The following EFR3B variants were observed in gnomAD, a reference collection of about 807,000 sequenced individuals.
The protein encoded by EFR3B is EFR3 homolog B.
A neutral mutation model predicts 104.7 loss-of-function variants in EFR3B; 64 were observed. That is an observed-to-expected ratio of 0.61 (90% CI 0.50 to 0.75). The LOEUF (loss-of-function observed/expected upper bound fraction) is 0.75, where lower values mean the gene tolerates loss of function less well. Among genes scored for constraint, EFR3B ranks in the 30% least tolerant of loss-of-function variants. EFR3B has a pLI of 0.00. For synonymous variants in EFR3B, 385 were observed against 417.9 expected (o/e 0.92, Z 0.96); for missense variants, 750 against 1,078.5 (o/e 0.70, Z 4.27).
intron 1 of EFR3B, among the ~76,000 whole-genome samples, chr2:25,048,816 C>T (rs185805543): frequency 6.6e-6 from 1 of 152,238 alleles, no homozygotes; most frequent in Non-Finnish European, 1.5e-5. Context: ...CCAGTCTCCA[C>T]GTCTTGGTGG....
chr2:25,080,602 T>G, intron 1 of EFR3B: 1 of 538,066 alleles, frequency 1.9e-6, no homozygotes, highest in Non-Finnish European at 3.3e-6. Context: ...CCCCTGAAGT[T>G]TTATTATATC....
chr2:25,124,311 T>C (rs1194145528), intron 5 of EFR3B, among the ~76,000 whole-genome samples: 2 of 149,126 alleles, frequency 1.3e-5, no homozygotes, highest in African/African-American at 5.0e-5. Flanking sequence ...TGTGTGTGTG[T>C]GTGTGTGTGT....
chr2:25,117,950 T>G (rs1418519974), intron 4 of EFR3B, among the ~76,000 whole-genome samples: 1 of 152,180 alleles, frequency 6.6e-6, no homozygotes, highest in African/African-American at 2.4e-5. Flanking sequence ...TTCTGCAAGC[T>G]TGACATTTTA....
chr2:25,130,712 G>A lies in EFR3B; in HGVS notation c.849+82G>A. On this transcript the variant is annotated intron_variant, in intron 8 of 22. Transcript: ENST00000403714. The surrounding 1 kb of genome is among the most constrained non-coding windows in gnomAD (Gnocchi z 4.6). ...AGACGGGTGCTAAAATAGAAAGCCA[G>A]AAGTCCCCTGTGACTCCTCCGAAGC... is the stretch of plus-strand genomic sequence containing the variant. The A allele has an allele frequency of 7.6e-7, 1 of 1,319,904 alleles. No individual in the cohort carries two copies. Among genetic ancestry groups the A allele is most frequent in the Non-Finnish European group, 1.1e-6 (1 of 938,372 alleles). 81.8% of individuals were successfully genotyped at this position (1,319,904 alleles called of 1,614,324 possible).
chr2:25,093,910 G>A (rs1374816155), intron 3 of EFR3B, among the ~76,000 whole-genome samples: 1 of 152,186 alleles, frequency 6.6e-6, no homozygotes, highest in Non-Finnish European at 1.5e-5. Context: ...GGCTTTCTAT[G>A]TTTAAAGAGA....
intron 4 of EFR3B, among the ~76,000 whole-genome samples, chr2:25,106,947 A>C (rs930153175): frequency 3.9e-5 from 6 of 152,198 alleles, no homozygotes; most frequent in Non-Finnish European, 8.8e-5. Context: ...GCTGCCAGGA[A>C]ATCAAAAGAA....
intron 4 of EFR3B, among the ~76,000 whole-genome samples, chr2:25,110,531 C>T (rs1292016736): frequency 6.6e-6 from 1 of 152,100 alleles, no homozygotes; most frequent in Non-Finnish European, 1.5e-5. Context: ...CCATCTTCTT[C>T]CTCTCCAAAG....
chr2:25,125,014 T>C lies in EFR3B; in HGVS notation c.486-3169T>C, dbSNP rs1163153226. On this transcript the variant is annotated intron_variant, in intron 5 of 22. Transcript: ENST00000403714. ...TGGAAGTTGCAGTGAGCTAAGATTG[T>C]GCCACTGCACTCCAGCCTGGGCAAC... 3.9e-5 allele frequency among the ~76,000 whole-genome samples: 6 copies of C among 152,254 alleles called. No individual in the cohort carries two copies. In the East Asian group the frequency reaches 9.7e-4, roughly 25 times the overall value.
At chr2:25,121,636 A>G in intron 4 of EFR3B, 37 bp from the exon 5 acceptor site, 1 of 1,550,646 alleles carries the variant, frequency 6.4e-7, no homozygotes, top group Non-Finnish European at 8.7e-7. Flanking sequence ...ATGGTGGGTC[A>G]CCTCTCTCGT....
intron 19 of EFR3B, 194 bp downstream of exon 19, chr2:25,145,245 C>G (rs1276135302): frequency 6.6e-6 from 4 of 609,132 alleles, no homozygotes; most frequent in Non-Finnish European, 1.2e-5. Flanking sequence ...TTAGGGTCCT[C>G]CCTGCTCCCA....
chr2:25,109,414 C>T (rs1389825595), intron 4 of EFR3B, among the ~76,000 whole-genome samples: 1 of 152,226 alleles, frequency 6.6e-6, no homozygotes, highest in Non-Finnish European at 1.5e-5. Context: ...AACCATCATA[C>T]TTGCTGGTGG....
intron 1 of EFR3B, among the ~76,000 whole-genome samples, chr2:25,050,281 A>T (rs1272647432): frequency 6.6e-6 from 1 of 152,136 alleles, no homozygotes; most frequent in Admixed American, 6.6e-5. Flanking sequence ...GCAGCTGTGC[A>T]GGGTGGTGGG....
At chr2:25,150,363 A>G (rs973733791) in intron 20 of EFR3B, among the ~76,000 whole-genome samples, 1 of 151,916 alleles carries the variant, frequency 6.6e-6, no homozygotes, top group African/African-American at 2.4e-5. Flanking sequence ...TTCGGGATAA[A>G]TTTTTGGTTT....
intron 1 of EFR3B, among the ~76,000 whole-genome samples, chr2:25,050,115 A>G (rs1667826152): frequency 6.6e-6 from 1 of 151,466 alleles, no homozygotes; most frequent in Non-Finnish European, 1.5e-5. Context: ...GGGCAACAAG[A>G]GTGAAACTCC....
At chr2:25,138,978 G>C in intron 15 of EFR3B, 81 bp from the exon 16 acceptor site, 2 of 1,507,938 alleles carry the variant, frequency 1.3e-6, no homozygotes, top group Non-Finnish European at 1.8e-6. Context: ...AAAGAAGATT[G>C]GGAAGAGGTC....
chr2:25,154,978 G>C lies in EFR3B; in HGVS notation c.*638G>C, dbSNP rs1671120849. 2.0e-5 allele frequency: 3 copies of C among 153,158 alleles called. No homozygotes were observed. 9.5% of individuals were successfully genotyped at this position (153,158 alleles called of 1,614,324 possible). ...AGGAAGCAGGATGCAGGGCTGGCAGGAGGTGGGCCTGTGGCATCAGCAGGC... is the reference window on the plus strand; with the variant it reads ...AGGAAGCAGGATGCAGGGCTGGCAGCAGGTGGGCCTGTGGCATCAGCAGGC... On this transcript the variant is annotated 3_prime_UTR_variant, in exon 23 of 23. Transcript: ENST00000403714. The surrounding 1 kb of genome is among the most constrained non-coding windows in gnomAD (Gnocchi z 4.1).
At position 25,154,082 on chromosome 2, in the gene EFR3B, T is replaced by A. The variant is rs551712249; in HGVS notation, c.2349-153T>A. 6.6e-6 allele frequency among the ~76,000 whole-genome samples: 1 copy of A among 152,186 alleles called. No homozygotes were observed. Among genetic ancestry groups the A allele is most frequent in the Admixed American group, 6.5e-5 (1 of 15,274 alleles). On this transcript the variant is annotated intron_variant, in intron 22 of 22. Transcript: ENST00000403714. The surrounding 1 kb of genome is among the most constrained non-coding windows in gnomAD (Gnocchi z 4.1). Reference sequence around the variant, plus strand: ...CTTGACTCCAAGCTGTAGATTCTAGTAGAACGTGGAATCCTGGGAACCTGT... The same window carrying A: ...CTTGACTCCAAGCTGTAGATTCTAGAAGAACGTGGAATCCTGGGAACCTGT...
At chr2:25,066,290 C>G (rs1166202444) in intron 1 of EFR3B, among the ~76,000 whole-genome samples, 1 of 152,150 alleles carries the variant, frequency 6.6e-6, no homozygotes. Flanking sequence ...GAAGTAGATT[C>G]CTTACGCATT....
Position 25,091,419 on chromosome 2 carries a change from C to T in EFR3B, c.84+18C>T, listed in dbSNP as rs1356545085. Reference sequence around the variant, plus strand: ...ATCCCGAGGTGGGTCATGTCTCTGGCAGGCATCGTGGCTCTCATGGTCCAG... The same window carrying T: ...ATCCCGAGGTGGGTCATGTCTCTGGTAGGCATCGTGGCTCTCATGGTCCAG... On this transcript the variant is annotated intron_variant, in intron 2 of 22. Coordinates refer to ENST00000403714, the MANE Select transcript of EFR3B (RefSeq NM_014971.2). The T allele has an allele frequency of 1.3e-6, 2 of 1,544,182 alleles. No homozygotes were observed. The highest frequency in any genetic ancestry group is 2.0e-5 in the Admixed American group (1 of 49,406).
Sources: gnomAD v4.1 joint callset for allele counts (sites outside exome capture counted in the v4.1 genomes callset) on GRCh38, gnomAD v4.1.1 for gene constraint, Gnocchi (gnomAD v3.1) non-coding constraint, MANE v1.5 for transcripts, NCBI Gene and HGNC (gene_info 2026-07-23, HGNC 2026-07-21) for gene names.